ADAMTSL1: variants seen among roughly 807,000 people sequenced by gnomAD.
ADAMTSL1 encodes ADAMTS-like protein 1.
A neutral mutation model predicts 201.8 loss-of-function variants in ADAMTSL1; 126 were observed. That is an observed-to-expected ratio of 0.62 (90% CI 0.54 to 0.72). The LOEUF (loss-of-function observed/expected upper bound fraction) is 0.72. ADAMTSL1 is among the 30% of genes least tolerant of loss of function. The probability of loss-of-function intolerance (pLI) is 0.00; values close to 1 mark genes in which losing one functional copy is unlikely to be tolerated. For missense variants in ADAMTSL1, 2,679 were observed against 2,277.8 expected (o/e 1.18, Z -3.59); for synonymous variants, 1,121 against 903.4 (o/e 1.24, Z -4.32).
intron 1 of ADAMTSL1, among the ~76,000 whole-genome samples, chr9:18,023,186 A>G (rs1025120252): frequency 1.1e-4 from 17 of 152,130 alleles, no homozygotes; most frequent in African/African-American, 3.9e-4. Flanking sequence ...TTTACCTAGA[A>G]CAATGACTCA....
chr9:18,384,853 C>T (rs770534882), intron 2 of ADAMTSL1, among the ~76,000 whole-genome samples: 85 of 152,288 alleles, frequency 5.6e-4, no homozygotes, highest in Non-Finnish European at 1.0e-3. Flanking sequence ...TCTCCTAGAT[C>T]ACCTTACTCT....
chr9:18,527,716 G>A (rs1819175019), intron 2 of ADAMTSL1, among the ~76,000 whole-genome samples: 1 of 152,092 alleles, frequency 6.6e-6, no homozygotes, highest in African/African-American at 2.4e-5. Context: ...TCTCTTAAGT[G>A]AATTAAAGAC....
At chr9:17,961,834 G>T (rs1419003033) in intron 1 of ADAMTSL1, among the ~76,000 whole-genome samples, 2 of 152,092 alleles carry the variant, frequency 1.3e-5, no homozygotes, top group Admixed American at 1.3e-4. Context: ...GCAGCATGGT[G>T]TGGTCACCAC....
intron 2 of ADAMTSL1, among the ~76,000 whole-genome samples, chr9:18,396,023 C>T (rs897614224): frequency 6.6e-6 from 1 of 152,130 alleles, no homozygotes; most frequent in Non-Finnish European, 1.5e-5. Flanking sequence ...TGAAGTAGAC[C>T]ATTGATGCTG....
chr9:18,028,977 A>G (rs550430601), intron 1 of ADAMTSL1, among the ~76,000 whole-genome samples: 3 of 152,152 alleles, frequency 2.0e-5, no homozygotes, highest in Non-Finnish European at 4.4e-5. Flanking sequence ...GGTCCTTCAC[A>G]TCCCTTGTAA....
rs755481766 is a variant in ADAMTSL1, at chr9:18,622,271, G to C, written c.503G>C (p.Ser168Thr). 19 of 1,613,830 alleles carry C rather than the reference G, an allele frequency of 1.2e-5. No individual in the cohort carries two copies. The highest frequency in any genetic ancestry group is 1.6e-4 in the Middle Eastern group (1 of 6,078). ...GTTGGCTGCGATCACCAGCTGGGAA[G>C]CACCGTCAAGGAAGATAACTGTGGG... ...QIVGCDHQLG[S>T]TVKEDNCGVC... The change falls in exon 5 of 29, where the codon AGC (serine) becomes ACC (threonine). Residue 168 changes from serine to threonine, a missense_variant. Transcript: ENST00000380548.
intron 1 of ADAMTSL1, chr9:18,163,749 A>G (rs957095628): frequency 1.3e-5 from 2 of 151,078 alleles, no homozygotes; most frequent in Non-Finnish European, 2.9e-5. Flanking sequence ...ATTGTTTTTG[A>G]TTGCTCTAAT....
intron 3 of ADAMTSL1, among the ~76,000 whole-genome samples, chr9:18,547,637 A>T (rs1019692720): frequency 6.7e-6 from 1 of 148,254 alleles, no homozygotes; most frequent in African/African-American, 2.5e-5. Flanking sequence ...TATATATAAA[A>T]AAAAAAAAAA....
chr9:18,235,887 A>G (rs1298759294), intron 2 of ADAMTSL1, among the ~76,000 whole-genome samples: 1 of 152,190 alleles, frequency 6.6e-6, no homozygotes, highest in African/African-American at 2.4e-5. Flanking sequence ...AGCCTTCAGC[A>G]TTCTGTTCTT....
intron 2 of ADAMTSL1, among the ~76,000 whole-genome samples, chr9:18,375,565 T>C (rs1280820538): frequency 6.6e-6 from 1 of 152,196 alleles, no homozygotes; most frequent in Non-Finnish European, 1.5e-5. Flanking sequence ...GACTCCTCCT[T>C]CTGTGTCTGG....
chr9:18,103,023 T>A (rs776113718), intron 1 of ADAMTSL1, among the ~76,000 whole-genome samples: 1 of 152,172 alleles, frequency 6.6e-6, no homozygotes, highest in Non-Finnish European at 1.5e-5. Context: ...CTCCCATCCC[T>A]ATACGTGGGT....
intron 20 of ADAMTSL1, among the ~76,000 whole-genome samples, chr9:18,812,394 T>C (rs537423044): frequency 6.6e-6 from 1 of 152,202 alleles, no homozygotes; most frequent in Non-Finnish European, 1.5e-5. Context: ...GGCTTTGACC[T>C]CTTATCTAAA....
chr9:18,243,970 T>C (rs1326058024), intron 2 of ADAMTSL1, among the ~76,000 whole-genome samples: 1 of 152,122 alleles, frequency 6.6e-6, no homozygotes, highest in East Asian at 1.9e-4. Context: ...CAATGAGATG[T>C]CAAAGGTATG....
At chr9:18,594,745 T>C (rs1436793893) in intron 4 of ADAMTSL1, among the ~76,000 whole-genome samples, 1 of 152,208 alleles carries the variant, frequency 6.6e-6, no homozygotes. Flanking sequence ...TGATCATCCT[T>C]AAAACAGCTA....
chr9:18,742,531 A>G (rs1023053480), intron 15 of ADAMTSL1, among the ~76,000 whole-genome samples: 1 of 152,204 alleles, frequency 6.6e-6, no homozygotes. Context: ...AATCCAATGG[A>G]ATCTCAAGGA....
intron 5 of ADAMTSL1, among the ~76,000 whole-genome samples, chr9:18,627,598 C>A (rs1826472327): frequency 6.6e-6 from 1 of 152,174 alleles, no homozygotes; most frequent in South Asian, 2.1e-4. Flanking sequence ...GGAGCCTATG[C>A]ACATTCTTTG....
intron 15 of ADAMTSL1, among the ~76,000 whole-genome samples, chr9:18,730,145 C>G (rs1818126337): frequency 6.6e-6 from 1 of 152,144 alleles, no homozygotes; most frequent in African/African-American, 2.4e-5. Flanking sequence ...ATGATTATTG[C>G]TTCCTAAGTA....
rs562738004 is a variant in ADAMTSL1 at position 18,113,093 on chromosome 9, G to A, written c.88-50769G>A. 5.3e-5 allele frequency among the ~76,000 whole-genome samples: 8 copies of A among 152,284 alleles called. 1 individual carries two copies. The South Asian group carries it at 1.7e-3, about 32-fold the overall frequency. On this transcript the variant is annotated intron_variant, in intron 1 of 29. Transcript: ENST00000680146. ...GTGGGGCAGTATGTATGAAAGCTGAGTTCTGAGCGAATACGGGGTACTCAG... is the reference window on the plus strand; with the variant it reads ...GTGGGGCAGTATGTATGAAAGCTGAATTCTGAGCGAATACGGGGTACTCAG...
chr9:17,974,379 A>G (rs1056136344), intron 1 of ADAMTSL1, among the ~76,000 whole-genome samples: 2 of 152,106 alleles, frequency 1.3e-5, no homozygotes. Flanking sequence ...CCTTAAGCTG[A>G]TAAGCAACTT....
Sources: gnomAD v4.1 joint callset for allele counts (sites outside exome capture counted in the v4.1 genomes callset) on GRCh38, gnomAD v4.1.1 for gene constraint, MANE v1.5 for transcripts, NCBI Gene and HGNC (gene_info 2026-07-23, HGNC 2026-07-21) for gene names.